Variants in THSD4 observed in about 807,000 individuals in gnomAD.
THSD4 encodes thrombospondin type-1 domain-containing protein 4.
Under a neutral mutation model 119.0 loss-of-function variants are expected in THSD4, and 69 were observed. The observed-to-expected ratio is 0.58, with a 90% CI of 0.48 to 0.71. THSD4 has a LOEUF of 0.71. THSD4 is among the 30% of genes least tolerant of loss of function. The pLI is 0.00. For synonymous variants in THSD4, 524 were observed against 540.4 expected (o/e 0.97, Z 0.42); for missense variants, 1,393 against 1,391.1 (o/e 1.00, Z -0.02).
chr15:71,310,482 A>C (rs2045096743), intron 6 of THSD4, among the ~76,000 whole-genome samples: 1 of 152,226 alleles, frequency 6.6e-6, no homozygotes, highest in African/African-American at 2.4e-5. Context: ...GCTTAGGTTC[A>C]ACAAAGTATG....
chr15:71,191,716 G>GC (rs2043673337), intron 3 of THSD4, among the ~76,000 whole-genome samples: 1 of 152,062 alleles, frequency 6.6e-6, no homozygotes, highest in South Asian at 2.1e-4. Flanking sequence ...CCTTGCCGCA[G>GC]CCCACTGTTG....
At chr15:71,267,295 G>T (rs541669214) in intron 6 of THSD4, among the ~76,000 whole-genome samples, 4 of 152,294 alleles carry the variant, frequency 2.6e-5, no homozygotes, top group African/African-American at 9.6e-5. Context: ...GAAGAGAGTG[G>T]CAGCCAATAT....
intron 7 of THSD4, among the ~76,000 whole-genome samples, chr15:71,457,407 A>G (rs1595786502): frequency 6.7e-6 from 1 of 149,904 alleles, no homozygotes; most frequent in African/African-American, 2.5e-5. Context: ...AAAAAAGCCA[A>G]GATGGTAATG....
Position 71,757,945 on chromosome 15 carries a change from T to C in THSD4, c.2459T>C (p.Val820Ala). 6.2e-7 allele frequency: 1 copy of C among 1,613,982 alleles called. No homozygotes were observed. The highest frequency in any genetic ancestry group is 1.3e-5 in the African/African-American group (1 of 75,020). The change falls in exon 15 of 18, where the codon GTG becomes GCG. Residue 820 changes from valine (V) to alanine (A), a missense_variant. Coordinates refer to ENST00000261862, the MANE Select transcript of THSD4 (RefSeq NM_024817.3). ...CGAGVRTRSVVCMTNHVSSLP... is the reference protein window; with the variant it reads ...CGAGVRTRSVACMTNHVSSLP... ...GCCGGAGTGCGGACACGCTCGGTGG[T>C]GTGCATGACCAACCATGTCAGCAGC...
chr15:71,112,156 G>A, upstream of THSD4: 1 of 1,613,788 alleles, frequency 6.2e-7, no homozygotes, highest in Non-Finnish European at 8.5e-7. Flanking sequence ...ACCACGTGCA[G>A]ACGCTGTGCT....
At chr15:71,329,568 C>T (rs927203184) in intron 6 of THSD4, among the ~76,000 whole-genome samples, 7 of 152,168 alleles carry the variant, frequency 4.6e-5, no homozygotes, top group East Asian at 1.9e-4. Context: ...AAGGAGAGGA[C>T]GGAGTCGATG....
chr15:71,240,085 G>A (rs2044139152), intron 4 of THSD4, among the ~76,000 whole-genome samples: 2 of 152,134 alleles, frequency 1.3e-5, no homozygotes, highest in Admixed American at 1.3e-4. Context: ...TCCAATTTAG[G>A]CAGAGCTTCC....
intron 7 of THSD4, chr15:71,547,516 T>C (rs928213111): frequency 6.5e-7 from 1 of 1,543,052 alleles, no homozygotes; most frequent in Non-Finnish European, 8.7e-7. Flanking sequence ...AGAAGTTGTA[T>C]TTTTTTTCAG....
At chr15:71,190,690 G>A (rs979724342) in intron 3 of THSD4, among the ~76,000 whole-genome samples, 7 of 152,206 alleles carry the variant, frequency 4.6e-5, no homozygotes, top group Admixed American at 4.6e-4. Context: ...CCTGACAGGA[G>A]GCTGAAATGG....
intron 3 of THSD4, among the ~76,000 whole-genome samples, chr15:71,195,700 G>A (rs1214302136): frequency 2.0e-5 from 3 of 152,164 alleles, no homozygotes; most frequent in Admixed American, 6.5e-5. Context: ...GATAAAAGTG[G>A]TATTGTCGGA....
intron 7 of THSD4, among the ~76,000 whole-genome samples, chr15:71,564,366 C>T (rs1163450676): frequency 6.6e-6 from 1 of 152,158 alleles, no homozygotes; most frequent in Admixed American, 6.5e-5. Flanking sequence ...GCTGATTCTG[C>T]TGAGGAAAGT....
At chr15:71,740,291 TTA>T (rs1454787899) in intron 11 of THSD4, among the ~76,000 whole-genome samples, 3 of 152,206 alleles carry the variant, frequency 2.0e-5, no homozygotes, top group African/African-American at 7.2e-5. Context: ...CTCTGTGATA[TTA>T]TAGAGGTAAG....
chr15:71,436,177 C>T (rs2047010774), intron 7 of THSD4, among the ~76,000 whole-genome samples: 1 of 152,112 alleles, frequency 6.6e-6, no homozygotes, highest in Non-Finnish European at 1.5e-5. Flanking sequence ...ATAAAACTCA[C>T]CAGTCTGTGG....
At chr15:71,250,707 G>A (rs1430885342) in intron 5 of THSD4, among the ~76,000 whole-genome samples, 1 of 152,104 alleles carries the variant, frequency 6.6e-6, no homozygotes, top group East Asian at 1.9e-4. Context: ...TACAGACATA[G>A]AGATATGTAA....
chr15:71,243,187 A>G lies in THSD4; in HGVS notation c.912+91A>G, dbSNP rs148972394. On this transcript the variant is annotated intron_variant, in intron 5 of 17. Transcript: ENST00000261862. Reference sequence around the variant, plus strand: ...TAAGCATGATGAAGACAGCAAGGATATGGTGTCTGGGCCATGTTAACACAC... The same window carrying G: ...TAAGCATGATGAAGACAGCAAGGATGTGGTGTCTGGGCCATGTTAACACAC... 1,147 of 1,311,358 alleles carry G rather than the reference A, an allele frequency of 8.7e-4. 5 individuals carry two copies. In the Middle Eastern group the frequency reaches 0.023, roughly 27 times the overall value. The allele number at this position is 1,311,358 out of a possible 1,614,324, so 81.2% of individuals were successfully genotyped here.
At chr15:71,523,747 C>G (rs80094885) in intron 7 of THSD4, among the ~76,000 whole-genome samples, 1 of 152,128 alleles carries the variant, frequency 6.6e-6, no homozygotes, top group Non-Finnish European at 1.5e-5. Flanking sequence ...AAGAATTTGC[C>G]AGAACTTGGT....
At chr15:71,226,314 G>A (rs1237367987) in intron 4 of THSD4, among the ~76,000 whole-genome samples, 1 of 152,120 alleles carries the variant, frequency 6.6e-6, no homozygotes, top group Non-Finnish European at 1.5e-5. Context: ...AGAGACTTGT[G>A]TCCCTTTCTA....
chr15:71,271,428 G>A (rs1222482162), intron 6 of THSD4, among the ~76,000 whole-genome samples: 1 of 152,192 alleles, frequency 6.6e-6, no homozygotes. Context: ...GAAAAATTAG[G>A]CTGTGGTGAT....
At chr15:71,744,755 T>C (rs921765059) in intron 11 of THSD4, among the ~76,000 whole-genome samples, 14 of 152,226 alleles carry the variant, frequency 9.2e-5, no homozygotes, top group African/African-American at 3.4e-4. Flanking sequence ...TTTGTGTTCC[T>C]TCTATAATCA....
Sources: gnomAD v4.1 joint callset for allele counts (sites outside exome capture counted in the v4.1 genomes callset) on GRCh38, gnomAD v4.1.1 for gene constraint, MANE v1.5 for transcripts, NCBI Gene and HGNC (gene_info 2026-07-23, HGNC 2026-07-21) for gene names.